ANKS1B: variants seen among roughly 807,000 people sequenced by gnomAD.
ANKS1B encodes the protein ankyrin repeat and sterile alpha motif domain-containing protein 1B.
In ANKS1B, 36 loss-of-function variants were observed where a neutral mutation model predicts 148.3. That is an observed-to-expected ratio of 0.24 (90% CI 0.19 to 0.32). The LOEUF (loss-of-function observed/expected upper bound fraction) is 0.32. ANKS1B is among the 10% of genes least tolerant of loss of function. ANKS1B has a pLI of 1.00. For synonymous variants in ANKS1B, 542 were observed against 560.8 expected, an observed-to-expected ratio of 0.97 and a Z score of 0.47; for missense variants, 1,157 against 1,542.6, an observed-to-expected ratio of 0.75 and a Z score of 4.19.
chr12:98,811,831 G>A (rs925925575), intron 19 of ANKS1B, among the ~76,000 whole-genome samples: 10 of 151,990 alleles, frequency 6.6e-5, no homozygotes, highest in African/African-American at 2.4e-4. Flanking sequence ...GTACCTACAG[G>A]AAAATTCCCA....
chr12:99,911,673 A>C (rs2094008871), intron 1 of ANKS1B, among the ~76,000 whole-genome samples: 1 of 152,206 alleles, frequency 6.6e-6, no homozygotes. Context: ...CATATTCAAA[A>C]GTAGACAGAA....
intron 16 of ANKS1B, among the ~76,000 whole-genome samples, chr12:99,056,491 C>A (rs2153541891): frequency 6.6e-6 from 1 of 152,322 alleles, no homozygotes; most frequent in East Asian, 1.9e-4. Flanking sequence ...CACCTTTGAT[C>A]CAGCTTGTAT....
At chr12:99,512,962 G>A (rs1329342905) in intron 9 of ANKS1B, among the ~76,000 whole-genome samples, 4 of 151,794 alleles carry the variant, frequency 2.6e-5, no homozygotes, top group Non-Finnish European at 5.9e-5. Context: ...TAATACCTAG[G>A]TGATAGGCTG....
At chr12:99,431,573 A>C (rs2095371213) in intron 11 of ANKS1B, among the ~76,000 whole-genome samples, 1 of 152,214 alleles carries the variant, frequency 6.6e-6, no homozygotes, top group South Asian at 2.1e-4. Flanking sequence ...TCAGTGAAGA[A>C]ATTATTTAAC....
chr12:99,878,968 T>C (rs186488484), intron 1 of ANKS1B, among the ~76,000 whole-genome samples: 8 of 152,304 alleles, frequency 5.3e-5, no homozygotes, highest in Admixed American at 5.2e-4. Context: ...TATTTCTTTG[T>C]TAGTTTTGAT....
chr12:98,764,935 A>G (rs2098460763), intron 25 of ANKS1B, among the ~76,000 whole-genome samples: 1 of 152,150 alleles, frequency 6.6e-6, no homozygotes, highest in South Asian at 2.1e-4. Flanking sequence ...GAGAGCAGGG[A>G]TGTGTGTCTA....
chr12:98,809,680 C>T lies in ANKS1B; in HGVS notation c.3067-1762G>A, dbSNP rs565890403. Among the ~76,000 whole-genome samples the T allele has an allele frequency of 6.6e-5, 10 of 152,238 alleles. No individual in the cohort carries two copies. In the South Asian group the frequency reaches 2.1e-3, roughly 32 times the overall value. On this transcript the variant is annotated intron_variant, in intron 19 of 26. Coordinates refer to ENST00000683438, the MANE Select transcript of ANKS1B (RefSeq NM_001352186.2). ...AGAGGGCCACTCCAGCTATATACAG[C>T]TTGGTTCTACTGACCCTGAAATGAA... is the stretch of plus-strand genomic sequence containing the variant.
chr12:99,239,770 C>T (rs2088866352), intron 14 of ANKS1B, among the ~76,000 whole-genome samples: 1 of 152,180 alleles, frequency 6.6e-6, no homozygotes, highest in African/African-American at 2.4e-5. Flanking sequence ...ATTCAACATT[C>T]TTAAAGAAAA....
At chr12:98,743,911 G>A, downstream of ANKS1B, 1 of 795,658 alleles carries the variant, frequency 1.3e-6, no homozygotes, top group Non-Finnish European at 1.5e-6. Context: ...AGAAGGCTGG[G>A]CCTTTGGTTC....
At position 99,041,378 on chromosome 12, in the gene ANKS1B, C is replaced by T. The variant is rs115713760; in HGVS notation, c.2778+11779G>A. Among the ~76,000 whole-genome samples, 703 of 152,246 alleles carry T rather than the reference C, an allele frequency of 4.6e-3. 10 individuals carry two copies. Among genetic ancestry groups the T allele is most frequent in the African/African-American group, 0.016 (674 of 41,550 alleles). ...GACAGATACTTTGCAATTTAATTTT[C>T]TAAAATAGCTGAGTTTGATGGTCAA... On this transcript the variant is annotated intron_variant, in intron 17 of 26. Coordinates refer to ENST00000683438, the MANE Select transcript of ANKS1B (RefSeq NM_001352186.2).
chr12:99,133,497 TTCTC>T (rs1256613827), intron 15 of ANKS1B, among the ~76,000 whole-genome samples: 4 of 152,332 alleles, frequency 2.6e-5, no homozygotes, highest in African/African-American at 9.6e-5. Flanking sequence ...TGTTGACTCA[TTCTC>T]TCTCCTTTAC....
At chr12:99,379,104 G>T (rs2093529077) in intron 12 of ANKS1B, among the ~76,000 whole-genome samples, 1 of 152,198 alleles carries the variant, frequency 6.6e-6, no homozygotes, top group African/African-American at 2.4e-5. Flanking sequence ...ACTGCAAAAG[G>T]ACCTAACTTA....
At chr12:99,726,038 A>G (rs1008808514) in intron 8 of ANKS1B, among the ~76,000 whole-genome samples, 1 of 152,194 alleles carries the variant, frequency 6.6e-6, no homozygotes, top group African/African-American at 2.4e-5. Context: ...AGAAAGCTAG[A>G]AAGATCTCAA....
At chr12:99,633,183 A>G (rs1186792874) in intron 9 of ANKS1B, among the ~76,000 whole-genome samples, 1 of 151,846 alleles carries the variant, frequency 6.6e-6, no homozygotes, top group Non-Finnish European at 1.5e-5. Context: ...GTTGGTTCCA[A>G]GTCTTTGCTA....
rs147999892 is a variant in ANKS1B at position 99,873,351 on chromosome 12, C to T, written c.135-47962G>A. On this transcript the variant is annotated intron_variant, in intron 1 of 26. Coordinates refer to ENST00000683438, the MANE Select transcript of ANKS1B (RefSeq NM_001352186.2). The stretch of plus-strand genomic sequence containing the variant: ...ATATGAAGTCTTCTTTGGAGCCACT[C>T]GATTCTTTCAAAGAAGAATACATTT... 8.5e-3 allele frequency among the ~76,000 whole-genome samples: 1,293 copies of T among 152,182 alleles called. 18 individuals are homozygous for T. The highest frequency in any genetic ancestry group is 0.03 in the African/African-American group (1,225 of 41,504).
At chr12:99,590,840 G>A (rs1247819239) in intron 9 of ANKS1B, among the ~76,000 whole-genome samples, 1 of 152,084 alleles carries the variant, frequency 6.6e-6, no homozygotes, top group East Asian at 1.9e-4. Flanking sequence ...GTCCATCAGA[G>A]AAACAATAGT....
intron 9 of ANKS1B, among the ~76,000 whole-genome samples, chr12:99,590,309 C>T (rs2097690073): frequency 6.7e-6 from 1 of 148,926 alleles, no homozygotes; most frequent in Non-Finnish European, 1.5e-5. Context: ...TACCATCTAA[C>T]TTCTCTAAAC....
intron 8 of ANKS1B, among the ~76,000 whole-genome samples, chr12:99,683,472 T>C (rs1587501): frequency 1.8e-4 from 27 of 151,576 alleles, no homozygotes; most frequent in African/African-American, 6.1e-4. Flanking sequence ...AGCAGTGAGA[T>C]TAAAATGATA....
At chr12:99,246,180 G>A in intron 13 of ANKS1B, 95 bp downstream of exon 13, 1 of 874,482 alleles carries the variant, frequency 1.1e-6, no homozygotes, top group Non-Finnish European at 1.6e-6. Context: ...TTTTTTTCTT[G>A]CTTTTGAAAG....
Sources: gnomAD v4.1 joint callset for allele counts (sites outside exome capture counted in the v4.1 genomes callset) on GRCh38, gnomAD v4.1.1 for gene constraint, MANE v1.5 for transcripts, NCBI Gene and HGNC (gene_info 2026-07-23, HGNC 2026-07-21) for gene names.